GRID2: variants seen among roughly 807,000 people sequenced by gnomAD.
GRID2 encodes glutamate ionotropic receptor delta type subunit 2, also known as glutamate receptor ionotropic, delta-2.
A neutral mutation model predicts 114.8 loss-of-function variants in GRID2; 33 were observed. The ratio of observed to expected loss-of-function variants is 0.29; its 90% CI spans 0.22 to 0.38. The LOEUF (loss-of-function observed/expected upper bound fraction) is 0.38. Ranked by LOEUF, GRID2 falls within the 10% of genes least tolerant of loss-of-function variation. GRID2 has a pLI of 1.00. For missense variants in GRID2, 1,184 were observed against 1,257.7 expected (o/e 0.94, Z 0.89); for synonymous variants, 505 against 449.9 (o/e 1.12, Z -1.55).
At chr4:92,873,713 GTTTGT>G (rs1216760824) in intron 2 of GRID2, among the ~76,000 whole-genome samples, 2 of 151,944 alleles carry the variant, frequency 1.3e-5, no homozygotes, top group Non-Finnish European at 2.9e-5. Context: ...TTTTTTGTTT[GTTTGT>G]TTTGTTTTGT....
chr4:93,316,440 C>A (rs1756673436), intron 8 of GRID2, among the ~76,000 whole-genome samples: 1 of 151,750 alleles, frequency 6.6e-6, no homozygotes. Context: ...AGAAAAAAGC[C>A]TTTTGTTGTC....
intron 9 of GRID2, among the ~76,000 whole-genome samples, chr4:93,409,079 T>G (rs1579986372): frequency 1.3e-5 from 2 of 152,286 alleles, no homozygotes; most frequent in African/African-American, 2.4e-5. Context: ...GGGAAGAGAC[T>G]CTTTGCTCTG....
chr4:93,379,684 A>C (rs1763680951), intron 8 of GRID2, among the ~76,000 whole-genome samples: 1 of 152,152 alleles, frequency 6.6e-6, no homozygotes, highest in Non-Finnish European at 1.5e-5. Flanking sequence ...TATGGTGATA[A>C]AAAGATGATT....
At chr4:93,661,487 A>G (rs1417208601) in intron 14 of GRID2, among the ~76,000 whole-genome samples, 1 of 152,172 alleles carries the variant, frequency 6.6e-6, no homozygotes, top group Admixed American at 6.6e-5. Flanking sequence ...TGGAGAAAAT[A>G]TGTGTGTTCA....
intron 12 of GRID2, among the ~76,000 whole-genome samples, chr4:93,500,019 G>A (rs150255398): frequency 1.3e-5 from 2 of 151,894 alleles, no homozygotes; most frequent in Admixed American, 1.3e-4. Flanking sequence ...ATCCATAAGG[G>A]TTACTATAAA....
chr4:93,014,124 G>A (rs1211815006), intron 2 of GRID2, among the ~76,000 whole-genome samples: 1 of 151,956 alleles, frequency 6.6e-6, no homozygotes, highest in African/African-American at 2.4e-5. Flanking sequence ...ATAGAAATAT[G>A]GGTGTTCTAC....
chr4:93,160,279 A>C (rs2149406723), intron 4 of GRID2, among the ~76,000 whole-genome samples: 1 of 151,950 alleles, frequency 6.6e-6, no homozygotes, highest in Non-Finnish European at 1.5e-5. Flanking sequence ...AGTAATCAAT[A>C]TAGATAAGGT....
intron 1 of GRID2, among the ~76,000 whole-genome samples, chr4:92,372,150 T>C (rs905989472): frequency 6.6e-6 from 1 of 152,170 alleles, no homozygotes; most frequent in Non-Finnish European, 1.5e-5. Flanking sequence ...TTGGATGAGA[T>C]CTACTCCTGG....
intron 2 of GRID2, among the ~76,000 whole-genome samples, chr4:93,078,912 A>C (rs914248734): frequency 1.4e-5 from 2 of 146,982 alleles, no homozygotes; most frequent in Non-Finnish European, 3.0e-5. Context: ...TTGTATTTTA[A>C]ATTTTATATA....
chr4:92,915,329 T>C (rs926430108), intron 2 of GRID2, among the ~76,000 whole-genome samples: 4 of 152,164 alleles, frequency 2.6e-5, no homozygotes, highest in African/African-American at 7.2e-5. Context: ...TAGATGTCTA[T>C]GCTGTTAGAC....
chr4:93,416,932 C>T (rs750624942), intron 9 of GRID2, among the ~76,000 whole-genome samples: 2 of 152,058 alleles, frequency 1.3e-5, no homozygotes, highest in Non-Finnish European at 2.9e-5. Context: ...CTGAAAGCTT[C>T]GTTTGTTCCA....
chr4:93,039,664 G>A (rs1725300466), intron 2 of GRID2, among the ~76,000 whole-genome samples: 1 of 152,000 alleles, frequency 6.6e-6, no homozygotes, highest in African/African-American at 2.4e-5. Flanking sequence ...CCTATTGGAT[G>A]GGAAGCTATC....
intron 2 of GRID2, among the ~76,000 whole-genome samples, chr4:92,792,935 C>G (rs1739667156): frequency 7.0e-6 from 1 of 143,094 alleles, no homozygotes; most frequent in Non-Finnish European, 1.5e-5. Context: ...CTTAAAGCTT[C>G]TGGACATAAA....
At position 92,354,180 on chromosome 4, in the gene GRID2, T is replaced by A. The variant is rs79056945; in HGVS notation, c.88+49436T>A. Among the ~76,000 whole-genome samples, 40 of 152,106 alleles carry A rather than the reference T, an allele frequency of 2.6e-4. No homozygotes were observed. In the East Asian group the frequency reaches 7.6e-3, roughly 29 times the overall value. On this transcript the variant is annotated intron_variant, in intron 1 of 15. Transcript: ENST00000282020. ...TCCTCACTGGGAACATGGGCTAATA[T>A]CTTCAAGACTGCTACCCAACCATCA...
At chr4:92,524,407 C>CTTTTTTTTTTT (rs869060153) in intron 1 of GRID2, among the ~76,000 whole-genome samples, 12 of 106,562 alleles carry the variant, frequency 1.1e-4, no homozygotes, top group Middle Eastern at 4.9e-3. Flanking sequence ...ATTTCCTTGT[C>CTTTTTTTTTTT]TTTTTTTTTT....
chr4:93,068,606 A>G (rs1005655379), intron 2 of GRID2, among the ~76,000 whole-genome samples: 2 of 152,044 alleles, frequency 1.3e-5, no homozygotes, highest in Non-Finnish European at 2.9e-5. Context: ...GAATGTCTTC[A>G]TCAGAAATGT....
chr4:92,496,417 C>T (rs528864042), intron 1 of GRID2, among the ~76,000 whole-genome samples: 2 of 151,958 alleles, frequency 1.3e-5, no homozygotes, highest in South Asian at 2.1e-4. Context: ...TAAAGAAGGT[C>T]TGAGTGAAGA....
At chr4:93,054,001 A>G (rs896240417) in intron 2 of GRID2, among the ~76,000 whole-genome samples, 5 of 152,002 alleles carry the variant, frequency 3.3e-5, no homozygotes, top group African/African-American at 9.7e-5. Context: ...ATCCTGCAGT[A>G]TAGGACCTAA....
At chr4:92,819,897 A>G (rs114502013) in intron 2 of GRID2, among the ~76,000 whole-genome samples, 1,563 of 152,252 alleles carry the variant, frequency 0.01, 30 homozygotes, top group African/African-American at 0.033. Flanking sequence ...TTGTTTTGAT[A>G]ATATATGAAT....
Sources: allele counts gnomAD v4.1 joint callset (sites outside exome capture counted in the v4.1 genomes callset), GRCh38; gene constraint gnomAD v4.1.1; transcripts MANE v1.5; gene names NCBI Gene and HGNC (gene_info 2026-07-23, HGNC 2026-07-21).